EDAR: variants seen among roughly 807,000 people sequenced by gnomAD.
EDAR encodes tumor necrosis factor receptor superfamily member EDAR.
A neutral mutation model predicts 51.3 loss-of-function variants in EDAR; 38 were observed. The ratio of observed to expected loss-of-function variants is 0.74; its 90% CI spans 0.57 to 0.97. The LOEUF (loss-of-function observed/expected upper bound fraction) is 0.97. Among genes scored for constraint, EDAR ranks in the 50% least tolerant of loss-of-function variants. The pLI, the probability that EDAR is intolerant of heterozygous loss-of-function variation, is 0.00. For missense variants in EDAR, 528 were observed against 595.0 expected (o/e 0.89, Z 1.17); for synonymous variants, 227 against 242.1 (o/e 0.94, Z 0.58).
chr2:108,933,994 G>A (rs1697420621), intron 1 of EDAR, among the ~76,000 whole-genome samples: 1 of 152,160 alleles, frequency 6.6e-6, no homozygotes, highest in Admixed American at 6.5e-5. Flanking sequence ...CCATATGAAT[G>A]GTTTCTAATT....
intron 4 of EDAR, among the ~76,000 whole-genome samples, chr2:108,926,619 G>A (rs558651028): frequency 1.1e-4 from 17 of 152,338 alleles, no homozygotes; most frequent in Middle Eastern, 3.4e-3. Context: ...AGGTGAGGAA[G>A]CGTAACCTCT....
intron 1 of EDAR, among the ~76,000 whole-genome samples, chr2:108,961,051 C>A (rs975586613): frequency 1.3e-5 from 2 of 152,172 alleles, no homozygotes; most frequent in Non-Finnish European, 2.9e-5. Context: ...AGAGGCCAGG[C>A]GTATAAATGA....
chr2:108,915,332 GC>G (rs1697007113), intron 5 of EDAR, among the ~76,000 whole-genome samples: 1 of 152,218 alleles, frequency 6.6e-6, no homozygotes, highest in East Asian at 1.9e-4. Flanking sequence ...ATGGAGCAGG[GC>G]CACAGGAGAA....
intron 1 of EDAR, among the ~76,000 whole-genome samples, chr2:108,931,744 T>G (rs948418842): frequency 6.6e-6 from 1 of 152,080 alleles, no homozygotes. Flanking sequence ...TTTTTGCTTG[T>G]TTTTTCACTT....
In EDAR at chr2:108,897,292, A is replaced by C. The variant is rs1696618848; in HGVS notation, c.1025-63T>G. 4 of 1,435,710 alleles carry C rather than the reference A, an allele frequency of 2.8e-6. No individual in the cohort carries two copies. In the Admixed American group the frequency reaches 7.5e-5, roughly 27 times the overall value. The allele number at this position is 1,435,710 out of a possible 1,614,324, so 88.9% of individuals were successfully genotyped here. A position where few individuals can be genotyped will look rare whatever the true frequency, so the allele number is the denominator to read the frequency against. Reference sequence around the variant, plus strand: ...CACAGTCAATAGAAGGTCAACACTGAAAAATTATTTAAATGAAATAAAAAT... The same window carrying C: ...CACAGTCAATAGAAGGTCAACACTGCAAAATTATTTAAATGAAATAAAAAT... On this transcript the variant is annotated intron_variant, in intron 11 of 11. Transcript: ENST00000258443.
chr2:108,984,658 AC>A (rs1698468907), intron 1 of EDAR, among the ~76,000 whole-genome samples: 1 of 151,020 alleles, frequency 6.6e-6, no homozygotes, highest in South Asian at 2.1e-4. Context: ...TACCCTGGGC[AC>A]CTTCTTTCTA....
At chr2:108,971,103 C>T (rs1698224570) in intron 1 of EDAR, among the ~76,000 whole-genome samples, 1 of 152,124 alleles carries the variant, frequency 6.6e-6, no homozygotes, top group Admixed American at 6.6e-5. Flanking sequence ...TCACCCCCTC[C>T]GACTCAGTCC....
chr2:108,932,528 C>CAAAAAAAAAAAAA (rs1171012818), intron 1 of EDAR, among the ~76,000 whole-genome samples: 3 of 39,156 alleles, frequency 7.7e-5, no homozygotes, highest in Admixed American at 2.6e-4. Context: ...GACTCTGTCT[C>CAAAAAAAAAAAAA]AAAAAAAAAA....
intron 1 of EDAR, among the ~76,000 whole-genome samples, chr2:108,936,061 C>G (rs1697463307): frequency 6.6e-6 from 1 of 152,250 alleles, no homozygotes; most frequent in South Asian, 2.1e-4. Flanking sequence ...GAAGCAGAGT[C>G]ACTGCCTCGG....
rs76568224 is a variant in EDAR at position 108,905,950 on chromosome 2, C to T, written c.1024+358G>A. Among the ~76,000 whole-genome samples the T allele has an allele frequency of 5.1e-3, 742 of 146,516 alleles. 7 individuals carry two copies. The highest frequency in any genetic ancestry group is 0.022 in the South Asian group (108 of 4,818). Reference sequence around the variant, plus strand: ...TAAGTCTAGGATAAATGACTGATCACGTTTCCCAGATGATGATGCCAGTGT... The same window carrying T: ...TAAGTCTAGGATAAATGACTGATCATGTTTCCCAGATGATGATGCCAGTGT... On this transcript the variant is annotated intron_variant, in intron 11 of 11. Transcript: ENST00000258443.
At chr2:108,922,511 T>G (rs181627371) in intron 5 of EDAR, among the ~76,000 whole-genome samples, 1 of 152,194 alleles carries the variant, frequency 6.6e-6, no homozygotes, top group African/African-American at 2.4e-5. Context: ...AGAGAGGAGA[T>G]GCTGCGCCCC....
chr2:108,902,287 A>G (rs1178516431), intron 11 of EDAR, among the ~76,000 whole-genome samples: 1 of 152,080 alleles, frequency 6.6e-6, no homozygotes, highest in African/African-American at 2.4e-5. Flanking sequence ...GAGGCAAGAG[A>G]ATCACTTGAA....
At chr2:108,946,155 G>A (rs1445704211) in intron 1 of EDAR, among the ~76,000 whole-genome samples, 1 of 152,162 alleles carries the variant, frequency 6.6e-6, no homozygotes, top group Non-Finnish European at 1.5e-5. Context: ...AGATGTGCTC[G>A]GAGTGTGTCC....
chr2:108,935,221 A>G (rs978327599), intron 1 of EDAR, among the ~76,000 whole-genome samples: 1 of 152,130 alleles, frequency 6.6e-6, no homozygotes, highest in Non-Finnish European at 1.5e-5. Flanking sequence ...ATTCCCATCT[A>G]GAATGATGAC....
chr2:108,945,369 C>A (rs1697695517), intron 1 of EDAR, among the ~76,000 whole-genome samples: 1 of 152,092 alleles, frequency 6.6e-6, no homozygotes. Flanking sequence ...TGCCAAGAGC[C>A]CCCAAGCAAC....
rs1189903497 is a variant in EDAR, at chr2:108,896,792, C to T, written c.*115G>A. 20 of 1,028,256 alleles carry T rather than the reference C, an allele frequency of 1.9e-5. No individual in the cohort carries two copies. Among genetic ancestry groups the T allele is most frequent in the South Asian group, 4.6e-5 (3 of 65,540 alleles). The allele number at this position is 1,028,256 out of a possible 1,614,324, so 63.7% of individuals were successfully genotyped here. A position where few individuals can be genotyped will look rare whatever the true frequency, so the allele number is the denominator to read the frequency against. ...GGCTCCTTGAACATCCTAAGGCATA[C>T]GGTGACATATCACAAAAGCCTTGAT... is the stretch of plus-strand genomic sequence containing the variant. On this transcript the variant is annotated 3_prime_UTR_variant, in exon 12 of 12. Transcript: ENST00000258443.
chr2:108,929,452 T>TG, intron 3 of EDAR, 73 bp from the exon 4 acceptor site: 1 of 1,504,130 alleles, frequency 6.6e-7, no homozygotes. Context: ...CCCACAGTCC[T>TG]TGGGCAGTGA....
chr2:108,907,816 G>T, intron 10 of EDAR, 44 bp downstream of exon 10: 1 of 1,607,964 alleles, frequency 6.2e-7, no homozygotes, highest in Non-Finnish European at 8.5e-7. Context: ...GGCTGTGAGG[G>T]AGCCACATCT....
intron 1 of EDAR, among the ~76,000 whole-genome samples, chr2:108,961,143 C>T (rs1036276456): frequency 4.6e-5 from 7 of 152,196 alleles, no homozygotes; most frequent in Admixed American, 2.0e-4. Context: ...GAGTGGCCCC[C>T]GCTGCAGAGC....
Sources: allele counts gnomAD v4.1 joint callset (sites outside exome capture counted in the v4.1 genomes callset), GRCh38; gene constraint gnomAD v4.1.1; transcripts MANE v1.5; gene names NCBI Gene and HGNC (gene_info 2026-07-23, HGNC 2026-07-21).